SGCZ: variants seen among roughly 807,000 people sequenced by gnomAD.
SGCZ encodes the protein sarcoglycan zeta.
SGCZ carries 40 observed loss-of-function variants against 41.3 expected under a neutral mutation model. The ratio of observed to expected loss-of-function variants is 0.97; its 90% confidence interval spans 0.75 to 1.26. The LOEUF is 1.26. Ranked by LOEUF, SGCZ falls within the 50% of genes most tolerant of loss-of-function variation. The pLI, the probability that SGCZ is intolerant of heterozygous loss-of-function variation, is 0.00. For synonymous variants in SGCZ, 206 were observed against 137.5 expected, an observed-to-expected ratio of 1.50 and a Z score of -3.49; for missense variants, 552 against 369.8, an observed-to-expected ratio of 1.49 and a Z score of -4.04.
intron 2 of SGCZ, among the ~76,000 whole-genome samples, chr8:14,410,026 A>C (rs1799316677): frequency 6.6e-6 from 1 of 152,122 alleles, no homozygotes; most frequent in African/African-American, 2.4e-5. Context: ...CTAGCCACAT[A>C]GCAGGAAGTA....
chr8:14,146,965 A>AC (rs1437757052), intron 5 of SGCZ, among the ~76,000 whole-genome samples: 1 of 150,704 alleles, frequency 6.6e-6, no homozygotes, highest in Non-Finnish European at 1.5e-5. Flanking sequence ...GAAAAAAAAA[A>AC]CCCAAAAATT....
At chr8:14,263,743 C>G (rs963777349) in intron 3 of SGCZ, among the ~76,000 whole-genome samples, 9 of 152,032 alleles carry the variant, frequency 5.9e-5, no homozygotes, top group Admixed American at 2.6e-4. Flanking sequence ...GGTCAAAGTA[C>G]CTGATTTTAG....
intron 4 of SGCZ, among the ~76,000 whole-genome samples, chr8:14,198,075 CTG>C (rs1805325519): frequency 2.0e-5 from 3 of 152,162 alleles, no homozygotes; most frequent in Admixed American, 2.0e-4. Flanking sequence ...CCTCACTTAA[CTG>C]TGGTTATTAA....
chr8:14,368,074 A>T (rs1803776363), intron 2 of SGCZ, among the ~76,000 whole-genome samples: 1 of 152,084 alleles, frequency 6.6e-6, no homozygotes, highest in Non-Finnish European at 1.5e-5. Flanking sequence ...ATTTTTGAAA[A>T]GGTAAGTAAT....
intron 1 of SGCZ, among the ~76,000 whole-genome samples, chr8:14,736,715 G>C (rs554314717): frequency 2.0e-5 from 3 of 152,176 alleles, no homozygotes; most frequent in African/African-American, 7.2e-5. Context: ...ATATCAGTGA[G>C]AATATACGAT....
intron 1 of SGCZ, among the ~76,000 whole-genome samples, chr8:15,057,731 A>G (rs535811190): frequency 1.2e-4 from 19 of 152,370 alleles, no homozygotes; most frequent in Non-Finnish European, 2.2e-4. Context: ...TCTTCCAAGA[A>G]TTAGCTGTGC....
At position 14,379,079 on chromosome 8, in the gene SGCZ, G is replaced by A. The variant is rs562806115; in HGVS notation, c.235-54875C>T. On this transcript the variant is annotated intron_variant, in intron 2 of 7. Coordinates refer to ENST00000382080, the MANE Select transcript of SGCZ (RefSeq NM_139167.4). ...CACTTATATGGGGAAAAAATAGTATGCACACTATTTTTACTACCACTGATA... is the reference window on the plus strand; with the variant it reads ...CACTTATATGGGGAAAAAATAGTATACACACTATTTTTACTACCACTGATA... Among the ~76,000 whole-genome samples, 23 of 152,200 alleles carry A rather than the reference G, an allele frequency of 1.5e-4. No individual in the cohort carries two copies. The South Asian group carries it at 3.9e-3, about 26-fold the overall frequency.
chr8:14,758,747 G>C (rs934331492), intron 1 of SGCZ, among the ~76,000 whole-genome samples: 1 of 152,028 alleles, frequency 6.6e-6, no homozygotes, highest in Admixed American at 6.6e-5. Flanking sequence ...GGTGGCTCAC[G>C]CCTATAATTC....
intron 1 of SGCZ, among the ~76,000 whole-genome samples, chr8:14,559,168 T>C (rs1053031206): frequency 5.9e-5 from 9 of 152,058 alleles, no homozygotes; most frequent in Admixed American, 2.6e-4. Flanking sequence ...GGCATCCAAA[T>C]TGGTAAAGAG....
chr8:14,470,309 C>T (rs1191282457), intron 2 of SGCZ, among the ~76,000 whole-genome samples: 1 of 152,092 alleles, frequency 6.6e-6, no homozygotes, highest in African/African-American at 2.4e-5. Flanking sequence ...TCTCCTCACT[C>T]TTTTATAATC....
chr8:14,180,242 C>G (rs1241629954), intron 4 of SGCZ, among the ~76,000 whole-genome samples: 1 of 152,174 alleles, frequency 6.6e-6, no homozygotes, highest in Non-Finnish European at 1.5e-5. Context: ...TAGCCAAGCC[C>G]ACCTCCAGGG....
intron 1 of SGCZ, among the ~76,000 whole-genome samples, chr8:14,684,324 A>G (rs1808538802): frequency 1.3e-5 from 2 of 152,160 alleles, no homozygotes; most frequent in Non-Finnish European, 2.9e-5. Flanking sequence ...TTCTTTAGGG[A>G]AAGTGGAACC....
At chr8:15,180,824 T>C (rs1800152287) in intron 1 of SGCZ, among the ~76,000 whole-genome samples, 5 of 151,586 alleles carry the variant, frequency 3.3e-5, no homozygotes, top group Admixed American at 2.6e-4. Context: ...GAGGCAGAGT[T>C]TGCAGTGAGC....
At chr8:14,199,769 G>A (rs1347629951) in intron 4 of SGCZ, among the ~76,000 whole-genome samples, 1 of 152,040 alleles carries the variant, frequency 6.6e-6, no homozygotes, top group Non-Finnish European at 1.5e-5. Flanking sequence ...AATGTTAAGT[G>A]AATGAAGAAA....
chr8:14,762,690 T>C (rs115235675), intron 1 of SGCZ, among the ~76,000 whole-genome samples: 1,555 of 152,332 alleles, frequency 0.01, 15 homozygotes, highest in African/African-American at 0.021. Flanking sequence ...TTGAACTTTA[T>C]CTTTTTTCTG....
chr8:14,690,997 T>G (rs1016560817), intron 1 of SGCZ, among the ~76,000 whole-genome samples: 1 of 152,196 alleles, frequency 6.6e-6, no homozygotes, highest in Non-Finnish European at 1.5e-5. Flanking sequence ...AGCTTAGAAT[T>G]CAACCTACAT....
At chr8:14,276,813 C>T (rs1264829814) in intron 3 of SGCZ, among the ~76,000 whole-genome samples, 1 of 152,184 alleles carries the variant, frequency 6.6e-6, no homozygotes, top group African/African-American at 2.4e-5. Flanking sequence ...ATTCCCACTT[C>T]AGCTATTACA....
chr8:14,902,778 G>A (rs1375149002), intron 1 of SGCZ, among the ~76,000 whole-genome samples: 2 of 151,974 alleles, frequency 1.3e-5, no homozygotes, highest in African/African-American at 2.4e-5. Flanking sequence ...TTACTGGGGA[G>A]GTCAGTTACC....
chr8:14,990,980 C>A (rs545817104), intron 1 of SGCZ, among the ~76,000 whole-genome samples: 2 of 152,130 alleles, frequency 1.3e-5, no homozygotes, highest in African/African-American at 2.4e-5. Flanking sequence ...AAAAATAATT[C>A]TTTGTCCTAA....
Sources: allele counts gnomAD v4.1 joint callset (sites outside exome capture counted in the v4.1 genomes callset), GRCh38; gene constraint gnomAD v4.1.1; transcripts MANE v1.5; gene names NCBI Gene and HGNC (gene_info 2026-07-23, HGNC 2026-07-21).